TRAK2: variants seen among roughly 807,000 people sequenced by gnomAD.
The protein encoded by TRAK2 is trafficking kinesin protein 2, also known as trafficking kinesin-binding protein 2.
In TRAK2, 81 loss-of-function variants were observed where a neutral mutation model predicts 104.6. That is an observed-to-expected ratio of 0.77 (90% CI 0.65 to 0.93). The LOEUF (loss-of-function observed/expected upper bound fraction) is 0.93. Among genes scored for constraint, TRAK2 ranks in the 40% least tolerant of loss-of-function variants. The pLI, the probability that TRAK2 is intolerant of heterozygous loss-of-function variation, is 0.00. For missense variants in TRAK2, 1,002 were observed against 1,089.0 expected (o/e 0.92, Z 1.12); for synonymous variants, 406 against 394.4 (o/e 1.03, Z -0.35).
chr2:201,446,582 T>C (rs1419476627), intron 1 of TRAK2, among the ~76,000 whole-genome samples: 1 of 152,240 alleles, frequency 6.6e-6, no homozygotes, highest in African/African-American at 2.4e-5. Flanking sequence ...ATAAATATCA[T>C]ATAGCAACAG....
At chr2:201,412,217 T>G in intron 2 of TRAK2, 5 of 951,270 alleles carry the variant, frequency 5.3e-6, no homozygotes, top group Non-Finnish European at 8.7e-6. Flanking sequence ...CTCTGTACAA[T>G]GACATGCTTG....
intron 3 of TRAK2, among the ~76,000 whole-genome samples, chr2:201,403,804 A>G (rs1340673163): frequency 2.6e-5 from 4 of 151,810 alleles, no homozygotes; most frequent in African/African-American, 9.7e-5. Flanking sequence ...TTCAAAAAGC[A>G]AAAATGAACT....
At chr2:201,425,893 C>T (rs758044968) in intron 1 of TRAK2, among the ~76,000 whole-genome samples, 46 of 152,094 alleles carry the variant, frequency 3.0e-4, no homozygotes, top group African/African-American at 9.2e-4. Context: ...AAGACCACTG[C>T]GAAAATCTAA....
chr2:201,385,888 T>C (rs1025130016), intron 14 of TRAK2, among the ~76,000 whole-genome samples: 1 of 152,226 alleles, frequency 6.6e-6, no homozygotes, highest in African/African-American at 2.4e-5. Context: ...TTTTGATTTA[T>C]GATATATTAA....
At chr2:201,387,597 T>A in intron 13 of TRAK2, 106 bp downstream of exon 13, 1 of 1,184,140 alleles carries the variant, frequency 8.4e-7, no homozygotes, top group Non-Finnish European at 1.2e-6. Flanking sequence ...GATAAAAAGA[T>A]CATCTGCACA....
chr2:201,415,845 T>C (rs1250477647), intron 2 of TRAK2, among the ~76,000 whole-genome samples: 3 of 152,204 alleles, frequency 2.0e-5, no homozygotes, highest in East Asian at 1.9e-4. Flanking sequence ...AGTAAGTCTA[T>C]AGTTCAAAGA....
chr2:201,401,983 T>G (rs1342279972), intron 3 of TRAK2, among the ~76,000 whole-genome samples: 1 of 152,078 alleles, frequency 6.6e-6, no homozygotes, highest in Non-Finnish European at 1.5e-5. Context: ...GGACAGGGGC[T>G]TTGGAGTAGA....
At position 201,386,620 on chromosome 2, in the gene TRAK2, A is replaced by G; in HGVS notation, c.1697-136T>C. 2.5e-6 allele frequency: 3 copies of G among 1,187,262 alleles called. No homozygotes were observed. The South Asian group carries it at 4.7e-5, about 18-fold the overall frequency. 73.5% of individuals were successfully genotyped at this position (1,187,262 alleles called of 1,614,324 possible). A position where few individuals can be genotyped will look rare whatever the true frequency, so the allele number is the denominator to read the frequency against. ...ATTTATTTGGTGTTAATAATTTGGTAAAAGCTGCAAATTAAAGTTTTCAGT... is the reference window on the plus strand; with the variant it reads ...ATTTATTTGGTGTTAATAATTTGGTGAAAGCTGCAAATTAAAGTTTTCAGT... On this transcript the variant is annotated intron_variant, in intron 13 of 15. Coordinates refer to ENST00000332624, the MANE Select transcript of TRAK2 (RefSeq NM_015049.3).
At chr2:201,414,068 T>G (rs572034990) in intron 2 of TRAK2, among the ~76,000 whole-genome samples, 5 of 152,128 alleles carry the variant, frequency 3.3e-5, no homozygotes, top group African/African-American at 1.2e-4. Flanking sequence ...AAGAAGTAAC[T>G]AAAATAAGCA....
chr2:201,449,510 G>A (rs1437545653), intron 1 of TRAK2, among the ~76,000 whole-genome samples: 1 of 117,968 alleles, frequency 8.5e-6, no homozygotes, highest in East Asian at 2.7e-4. Flanking sequence ...TTGAGACTGA[G>A]TTTCACTCTT....
chr2:201,436,377 A>G (rs1391604954), intron 1 of TRAK2, among the ~76,000 whole-genome samples: 1 of 152,182 alleles, frequency 6.6e-6, no homozygotes, highest in African/African-American at 2.4e-5. Flanking sequence ...GATGACTGGC[A>G]AAATTTAGGC....
chr2:201,410,163 G>A (rs528164257), intron 2 of TRAK2, among the ~76,000 whole-genome samples: 10 of 152,146 alleles, frequency 6.6e-5, no homozygotes, highest in Non-Finnish European at 1.5e-4. Flanking sequence ...TTAGCTGGGC[G>A]TGGTGGCGGG....
At chr2:201,407,874 T>C (rs2540335) in intron 2 of TRAK2, among the ~76,000 whole-genome samples, 4,787 of 152,204 alleles carry the variant, frequency 0.031, 256 homozygotes, top group African/African-American at 0.11. Flanking sequence ...CACAAAATAA[T>C]TGAATATATT....
intron 2 of TRAK2, among the ~76,000 whole-genome samples, chr2:201,419,699 G>T (rs1197146261): frequency 6.6e-6 from 1 of 152,066 alleles, no homozygotes; most frequent in Non-Finnish European, 1.5e-5. Flanking sequence ...GTATTTTATT[G>T]TATCTTCATA....
chr2:201,437,061 A>G (rs1254311691), intron 1 of TRAK2, among the ~76,000 whole-genome samples: 2 of 152,124 alleles, frequency 1.3e-5, no homozygotes, highest in African/African-American at 4.8e-5. Flanking sequence ...GTCACAGACA[A>G]CTCAAGGGCT....
At chr2:201,450,951 G>A (rs1285732378) in intron 1 of TRAK2, among the ~76,000 whole-genome samples, 1 of 152,150 alleles carries the variant, frequency 6.6e-6, no homozygotes, top group Admixed American at 6.5e-5. Context: ...CCCAGAAAGA[G>A]CTCTTTCCAA....
At chr2:201,405,855 G>C (rs1951590317) in intron 3 of TRAK2, among the ~76,000 whole-genome samples, 1 of 152,070 alleles carries the variant, frequency 6.6e-6, no homozygotes, top group Non-Finnish European at 1.5e-5. Flanking sequence ...AGTGGCGCCC[G>C]CCTATAATCC....
chr2:201,410,459 A>T (rs911250939), intron 2 of TRAK2: 1 of 642,386 alleles, frequency 1.6e-6, no homozygotes. Flanking sequence ...TGTCCCATAG[A>T]AGTAGTTCCT....
At chr2:201,398,023 G>T in intron 6 of TRAK2, 122 bp downstream of exon 6, 1 of 919,212 alleles carries the variant, frequency 1.1e-6, no homozygotes, top group Non-Finnish European at 1.7e-6. Context: ...CCTTGTCCAC[G>T]ACTCTCTAAT....
Sources: gnomAD v4.1 joint callset for allele counts (sites outside exome capture counted in the v4.1 genomes callset) on GRCh38, gnomAD v4.1.1 for gene constraint, MANE v1.5 for transcripts, NCBI Gene and HGNC (gene_info 2026-07-23, HGNC 2026-07-21) for gene names.